Variants in LAMC2 observed in about 807,000 individuals in gnomAD.
LAMC2 encodes the protein laminin subunit gamma 2, also known as laminin subunit gamma-2.
Under a neutral mutation model 140.2 loss-of-function variants are expected in LAMC2, and 97 were observed. The observed-to-expected ratio is 0.69, with a 90% CI of 0.59 to 0.82. LAMC2 has a LOEUF of 0.82. Among genes scored for constraint, LAMC2 ranks in the 40% least tolerant of loss-of-function variants. The pLI is 0.00. For missense variants in LAMC2, 1,402 were observed against 1,476.1 expected, an observed-to-expected ratio of 0.95 and a Z score of 0.82; for synonymous variants, 513 against 540.2, an observed-to-expected ratio of 0.95 and a Z score of 0.70.
At position 183,239,393 on chromosome 1, in the gene LAMC2, G is replaced by T. The variant is rs754045286; in HGVS notation, c.2899G>T (p.Ala967Ser). 7.4e-6 allele frequency: 12 copies of T among 1,614,042 alleles called. No individual in the cohort carries two copies. Among genetic ancestry groups the T allele is most frequent in the Non-Finnish European group, 9.3e-6 (11 of 1,180,042 alleles). The change falls in exon 20 of 23, where the codon GCA becomes TCA. Residue 967 changes from alanine (A) to serine (S), a missense_variant. Physicochemically the swap from Ala to Ser is moderately conservative, Grantham distance 99 (BLOSUM62 1). Around this residue, in one of 3 missense-constraint regions of LAMC2, gnomAD observed 670 missense variants for 667.2 expected, o/e 1.00. Coordinates refer to ENST00000264144, the MANE Select transcript of LAMC2 (RefSeq NM_005562.3). ...EFDLQVDNRKAEAEEAMKRLS... is the reference protein window; with the variant it reads ...EFDLQVDNRKSEAEEAMKRLS... The stretch of plus-strand genomic sequence containing the variant: ...TGACCTGCAGGTGGACAACAGAAAA[G>T]CAGAAGCTGAAGAAGCCATGAAGAG...
intron 1 of LAMC2, among the ~76,000 whole-genome samples, chr1:183,190,065 C>T (rs1193994785): frequency 1.3e-5 from 2 of 152,234 alleles, no homozygotes; most frequent in African/African-American, 4.8e-5. Context: ...TGGAGTAAGA[C>T]TGCCTGGGTT....
chr1:183,216,638 C>G (rs888475356), intron 3 of LAMC2, among the ~76,000 whole-genome samples: 8 of 152,190 alleles, frequency 5.3e-5, no homozygotes, highest in Non-Finnish European at 7.3e-5. Context: ...CTGCTCCATC[C>G]CCACCCCACT....
chr1:183,235,461 A>T, intron 15 of LAMC2, 114 bp from the exon 16 acceptor site: 1 of 1,141,062 alleles, frequency 8.8e-7, no homozygotes, highest in East Asian at 2.6e-5. Context: ...TCAGTTCTGT[A>T]GGGTTTTTCT....
intron 1 of LAMC2, among the ~76,000 whole-genome samples, chr1:183,193,604 A>G (rs1357320956): frequency 1.3e-5 from 2 of 152,184 alleles, no homozygotes; most frequent in African/African-American, 2.4e-5. Context: ...ATCGTTTTTC[A>G]TCCCAAATAG....
the LAMC2 span, among the ~76,000 whole-genome samples, chr1:183,253,497 C>A: frequency 6.6e-6 from 1 of 152,078 alleles, no homozygotes; most frequent in Non-Finnish European, 1.5e-5. Context: ...CTATTATTAG[C>A]TGTCATCCTC....
At position 183,244,304 on chromosome 1, in the gene LAMC2, A is replaced by G. The variant is rs1660197993; in HGVS notation, c.*904A>G. ...CAATGTATTTTATCTTATTTTCTCAATCTCCTCTCTCTTTCCTCCACCCAT... is the reference window on the plus strand; with the variant it reads ...CAATGTATTTTATCTTATTTTCTCAGTCTCCTCTCTCTTTCCTCCACCCAT... On this transcript the variant is annotated 3_prime_UTR_variant, in exon 23 of 23. Transcript: ENST00000264144. 6.6e-6 allele frequency: 1 copy of G among 151,882 alleles called. No homozygotes were observed. The highest frequency in any genetic ancestry group is 6.6e-5 in the Admixed American group (1 of 15,248). 9.4% of individuals were successfully genotyped at this position (151,882 alleles called of 1,614,324 possible).
intron 20 of LAMC2, 145 bp from the exon 21 acceptor site, chr1:183,239,895 C>T (rs1265224558): frequency 3.2e-6 from 3 of 938,140 alleles, no homozygotes; most frequent in Non-Finnish European, 5.1e-6. Context: ...GTACCCCTGT[C>T]CCTAAGTCTG....
chr1:183,232,522 A>G (rs1229804083), intron 13 of LAMC2, 130 bp from the exon 14 acceptor site: 1 of 1,090,612 alleles, frequency 9.2e-7, no homozygotes, highest in Non-Finnish European at 1.4e-6. Context: ...TGGTGATAAA[A>G]GAATGGTTGG....
At chr1:183,253,403 A>C in the LAMC2 span, among the ~76,000 whole-genome samples, 1 of 151,062 alleles carries the variant, frequency 6.6e-6, no homozygotes, top group Non-Finnish European at 1.5e-5. Flanking sequence ...TATATCCATC[A>C]TCTCACTCAG....
At chr1:183,220,568 C>T (rs540564791) in intron 4 of LAMC2, among the ~76,000 whole-genome samples, 29 of 152,096 alleles carry the variant, frequency 1.9e-4, no homozygotes, top group Non-Finnish European at 4.0e-4. Context: ...AGATGCCAGA[C>T]CACCAAGACA....
At chr1:183,257,568 C>T in the LAMC2 span, among the ~76,000 whole-genome samples, 20 of 152,154 alleles carry the variant, frequency 1.3e-4, no homozygotes, top group Non-Finnish European at 2.4e-4. Flanking sequence ...TGTTATTGGT[C>T]TGTTCAGGCT....
At position 183,236,443 on chromosome 1, in the gene LAMC2, C is replaced by T. The variant is rs1169230731; in HGVS notation, c.2457-17C>T. ...GTCCTCTTTTTATTACCGCCCCCTC[C>T]CCACCCCCAACACCAGATTGGAGAA... On this transcript the variant is annotated splice_polypyrimidine_tract_variant and intron_variant, in intron 16 of 22. Transcript: ENST00000264144. 16 of 1,612,664 alleles carry T rather than the reference C, an allele frequency of 9.9e-6. No homozygotes were observed. The highest frequency in any genetic ancestry group is 1.7e-5 in the Admixed American group (1 of 59,980).
chr1:183,227,742 A>G (rs1659673404), intron 10 of LAMC2, 45 bp downstream of exon 10: 2 of 1,551,936 alleles, frequency 1.3e-6, no homozygotes, highest in Admixed American at 1.7e-5. Context: ...TCCTGTCCTG[A>G]TGCCATGAAT....
rs1660212475 is a variant in LAMC2, at chr1:183,245,027, A to C, written c.*1627A>C. 6.6e-6 allele frequency: 1 copy of C among 152,206 alleles called. No homozygotes were observed. Among genetic ancestry groups the C allele is most frequent in the African/African-American group, 2.4e-5 (1 of 41,440 alleles). 9.4% of individuals were successfully genotyped at this position (152,206 alleles called of 1,614,324 possible). A position where few individuals can be genotyped will look rare whatever the true frequency, so the allele number is the denominator to read the frequency against. ...GCATCTTCAGTTCCCACTTCTGAGC[A>C]TCTTACTTCGCCCATTCCAACCATA... is the stretch of plus-strand genomic sequence containing the variant. On this transcript the variant is annotated 3_prime_UTR_variant, in exon 23 of 23. Transcript: ENST00000264144.
chr1:183,234,566 C>T, intron 15 of LAMC2, 120 bp downstream of exon 15: 2 of 823,496 alleles, frequency 2.4e-6, no homozygotes, highest in South Asian at 2.9e-5. Context: ...TCCTTTGCAG[C>T]CATTCCCTAC....
rs755496352 is a variant in LAMC2 at position 183,220,935 on chromosome 1, A to G, written c.614A>G (p.His205Arg). Residue 205 changes from histidine (H) to arginine (R), a missense_variant, in exon 5 of 23, where the codon CAT becomes CGT. Coordinates refer to ENST00000264144, the MANE Select transcript of LAMC2 (RefSeq NM_005562.3). ...SCRSSAEYSV[H>R]KITSTFHQDV... ...CGCAGCTCTGCAGAATACAGTGTCCATAAGATCACCTCTACCTTTCATCAA... is the reference window on the plus strand; with the variant it reads ...CGCAGCTCTGCAGAATACAGTGTCCGTAAGATCACCTCTACCTTTCATCAA... 6 of 1,614,106 alleles carry G rather than the reference A, an allele frequency of 3.7e-6. No homozygotes were observed. The East Asian group carries it at 6.7e-5, about 18-fold the overall frequency.
intron 12 of LAMC2, among the ~76,000 whole-genome samples, chr1:183,231,612 G>C (rs1240949354): frequency 6.6e-6 from 1 of 152,152 alleles, no homozygotes; most frequent in East Asian, 1.9e-4. Flanking sequence ...AAGTATCAAG[G>C]CTTCCCAAAA....
downstream of LAMC2, among the ~76,000 whole-genome samples, chr1:183,247,727 G>A (rs138252548): frequency 4.6e-5 from 7 of 152,158 alleles, no homozygotes; most frequent in African/African-American, 1.4e-4. Context: ...CCAATATAGG[G>A]TGTGTGATAT....
At chr1:183,225,222 AT>A (rs201934213) in intron 7 of LAMC2, among the ~76,000 whole-genome samples, 1 of 152,110 alleles carries the variant, frequency 6.6e-6, no homozygotes, top group Non-Finnish European at 1.5e-5. Context: ...CAAATAAATG[AT>A]TTTTTTTAAA....
Sources: gnomAD v4.1 joint callset for allele counts (sites outside exome capture counted in the v4.1 genomes callset) on GRCh38, gnomAD v4.1.1 for gene constraint, gnomAD v4.1.1 regional missense constraint, MANE v1.5 for transcripts, NCBI Gene and HGNC (gene_info 2026-07-23, HGNC 2026-07-21) for gene names.